The following PACS2 variants were observed in gnomAD, a reference collection of about 807,000 sequenced individuals.
PACS2 encodes the protein PACS1-like protein.
PACS2 carries 36 observed loss-of-function variants against 113.0 expected under a neutral mutation model. The ratio of observed to expected loss-of-function variants is 0.32; its 90% confidence interval spans 0.24 to 0.42. The LOEUF (loss-of-function observed/expected upper bound fraction) is 0.42, where lower values mean the gene tolerates loss of function less well. PACS2 is among the 10% of genes least tolerant of loss of function. The pLI is 1.00. For synonymous variants in PACS2, 589 were observed against 536.1 expected, an observed-to-expected ratio of 1.10 and a Z score of -1.36; for missense variants, 1,015 against 1,239.5, an observed-to-expected ratio of 0.82 and a Z score of 2.72.
chr14:105,364,413 GGGC>G (rs1338995159), intron 4 of PACS2, among the ~76,000 whole-genome samples: 4 of 140,720 alleles, frequency 2.8e-5, no homozygotes, highest in African/African-American at 1.1e-4. Context: ...GGTGCGCGGT[GGGC>G]GGTGTCCCGG....
chr14:105,383,348 C>T lies in PACS2; in HGVS notation c.1626-11C>T, dbSNP rs2081059603. On this transcript the variant is annotated splice_polypyrimidine_tract_variant and intron_variant, in intron 15 of 24. Coordinates refer to ENST00000447393, the MANE Select transcript of PACS2 (RefSeq NM_001100913.3). ...TGTCCCCTCTCCGTCCCACCTGCCT[C>T]TGGATTGCAGCTGCAACTGCAATTC... The T allele has an allele frequency of 6.2e-7, 1 of 1,605,596 alleles. No individual in the cohort carries two copies. Among genetic ancestry groups the T allele is most frequent in the Non-Finnish European group, 8.5e-7 (1 of 1,179,914 alleles).
intron 1 of PACS2, among the ~76,000 whole-genome samples, chr14:105,338,570 G>T (rs587622267): frequency 7.2e-5 from 11 of 152,276 alleles, no homozygotes; most frequent in South Asian, 4.1e-4. Context: ...TGTGATCCTT[G>T]CTGGGTTCTC....
intron 1 of PACS2, among the ~76,000 whole-genome samples, chr14:105,316,855 C>T (rs1251110973): frequency 2.0e-5 from 3 of 151,752 alleles, no homozygotes; most frequent in Non-Finnish European, 4.4e-5. Context: ...AGGATTTGTT[C>T]TGTTGGTGTG....
At chr14:105,305,882 C>T (rs76732584) in intron 1 of PACS2, among the ~76,000 whole-genome samples, 7,400 of 152,346 alleles carry the variant, frequency 0.049, 624 homozygotes, top group African/African-American at 0.17. Context: ...TCATTCAGCC[C>T]TGCAAGGCAG....
chr14:105,351,974 A>C (rs1223180387), intron 2 of PACS2, among the ~76,000 whole-genome samples: 1 of 152,274 alleles, frequency 6.6e-6, no homozygotes, highest in African/African-American at 2.4e-5. Flanking sequence ...CCTGAGCAAC[A>C]CAGCGAGACC....
chr14:105,392,309 G>GGCTGCGCCTGAGGGAGCT, intron 22 of PACS2: 1 of 427,648 alleles, frequency 2.3e-6, no homozygotes, highest in Non-Finnish European at 4.2e-6. Context: ...GCTCCTTCCA[G>GGCTGCGCCTGAGGGAGCT]GCTGCGCCTG....
chr14:105,385,121 C>T (rs1384245637), intron 18 of PACS2, 134 bp downstream of exon 18: 1 of 657,798 alleles, frequency 1.5e-6, no homozygotes, highest in Non-Finnish European at 2.8e-6. Flanking sequence ...AGAGCCTGGG[C>T]CAGCTGGGCA....
chr14:105,358,470 A>G lies in PACS2; in HGVS notation c.423+3293A>G, dbSNP rs1438073750. 1.3e-5 allele frequency among the ~76,000 whole-genome samples: 2 copies of G among 152,038 alleles called. No homozygotes were observed. The highest frequency in any genetic ancestry group is 2.9e-5 in the Non-Finnish European group (2 of 67,972). On this transcript the variant is annotated intron_variant, in intron 4 of 24. Transcript: ENST00000447393. The surrounding 1 kb of genome is among the most constrained non-coding windows in gnomAD (Gnocchi z 4.9). ...TCCTGTGGTGTGGCTCTCAGAACTCACCCCAGCACCCGTAGAGGGAGTGTG... is the reference window on the plus strand; with the variant it reads ...TCCTGTGGTGTGGCTCTCAGAACTCGCCCCAGCACCCGTAGAGGGAGTGTG...
In PACS2 at chr14:105,397,663, G is replaced by C. The variant is rs1227840319; in HGVS notation, c.*2991G>C. ...GTGTCCTGGTTCAGTGCCTCGGCCA[G>C]AGCTGGGGCAGGAGAGGGGCCTCTG... On this transcript the variant is annotated 3_prime_UTR_variant, in exon 25 of 25. Transcript: ENST00000447393. The C allele has an allele frequency of 1.3e-5, 2 of 152,722 alleles. No individual in the cohort carries two copies. The highest frequency in any genetic ancestry group is 4.8e-5 in the African/African-American group (2 of 41,480). The allele number at this position is 152,722 out of a possible 1,614,324, so 9.5% of individuals were successfully genotyped here.
chr14:105,331,570 A>G (rs587605424), intron 1 of PACS2, among the ~76,000 whole-genome samples: 1 of 152,300 alleles, frequency 6.6e-6, no homozygotes, highest in African/African-American at 2.4e-5. Flanking sequence ...GGCACGAACC[A>G]TTGTGCCTGG....
At position 105,330,267 on chromosome 14, in the gene PACS2, G is replaced by A. The variant is rs1458689334; in HGVS notation, c.119+15230G>A. Among the ~76,000 whole-genome samples the A allele has an allele frequency of 7.4e-6, 1 of 135,276 alleles. No individual in the cohort carries two copies. The highest frequency in any genetic ancestry group is 2.9e-5 in the African/African-American group (1 of 34,780). The allele number at this position is 135,276 out of a possible 152,430, so 88.7% of individuals were successfully genotyped here. On this transcript the variant is annotated intron_variant, in intron 1 of 24. Coordinates refer to ENST00000447393, the MANE Select transcript of PACS2 (RefSeq NM_001100913.3). The surrounding 1 kb of genome is among the most constrained non-coding windows in gnomAD (Gnocchi z 6.9). ...AGCCTCCGAGAAGCCTGGGGTCCGT[G>A]TGTGGGACGGAATGGGGACAGGAGC...
intron 1 of PACS2, among the ~76,000 whole-genome samples, chr14:105,301,663 T>G (rs1315246789): frequency 1.3e-5 from 2 of 152,246 alleles, no homozygotes; most frequent in Non-Finnish European, 2.9e-5. Context: ...TTCTCCGTTT[T>G]CTGTTCCCCT....
At chr14:105,347,752 C>G (rs1339675254) in intron 1 of PACS2, among the ~76,000 whole-genome samples, 2 of 152,170 alleles carry the variant, frequency 1.3e-5, no homozygotes, top group African/African-American at 4.8e-5. Flanking sequence ...GGTGTTGCAC[C>G]CCACACACCT....
intron 1 of PACS2, among the ~76,000 whole-genome samples, chr14:105,321,173 G>A (rs374971414): frequency 4.6e-5 from 7 of 152,120 alleles, no homozygotes; most frequent in African/African-American, 1.4e-4. Context: ...TTTAATGCAC[G>A]TTCTGTTTAT....
chr14:105,359,587 CTTTTTTT>C (rs1162190552), intron 4 of PACS2, among the ~76,000 whole-genome samples: 1 of 101,810 alleles, frequency 9.8e-6, no homozygotes, highest in South Asian at 3.1e-4. Context: ...GTATTTCTTT[CTTTTTTT>C]TTTTTTTTTT....
chr14:105,391,346 G>A (rs1555414768), intron 21 of PACS2, 97 bp downstream of exon 21: 10 of 940,274 alleles, frequency 1.1e-5, no homozygotes, highest in East Asian at 7.3e-5. Flanking sequence ...ACCTTTCAGG[G>A]CCTGAGAGCC....
At chr14:105,383,755 C>G (rs1555412805) in intron 16 of PACS2, 1 of 510,966 alleles carries the variant, frequency 2.0e-6, no homozygotes, top group East Asian at 3.5e-5. Context: ...CTTGATTGCC[C>G]TAAAACAGCC....
chr14:105,393,200 A>C (rs1555415477), intron 23 of PACS2, 22 bp from the exon 24 acceptor site: 2 of 1,569,090 alleles, frequency 1.3e-6, no homozygotes, highest in Admixed American at 1.7e-5. Flanking sequence ...AGATGACAGC[A>C]GGGCCTCTTT....
At chr14:105,346,412 C>T (rs935750369) in intron 1 of PACS2, among the ~76,000 whole-genome samples, 5 of 151,952 alleles carry the variant, frequency 3.3e-5, no homozygotes, top group African/African-American at 9.7e-5. Context: ...GCACTGCTCG[C>T]GTCTGCAGCC....
Sources: gnomAD v4.1 joint callset for allele counts (sites outside exome capture counted in the v4.1 genomes callset) on GRCh38, gnomAD v4.1.1 for gene constraint, Gnocchi (gnomAD v3.1) non-coding constraint, MANE v1.5 for transcripts, NCBI Gene and HGNC (gene_info 2026-07-23, HGNC 2026-07-21) for gene names.